Variants in INPP4A observed in about 807,000 individuals in gnomAD.
INPP4A encodes the protein inositol polyphosphate-4-phosphatase type I A, also known as inositol polyphosphate-4-phosphatase, type I, 107kD.
INPP4A carries 33 observed loss-of-function variants against 119.8 expected under a neutral mutation model. The observed-to-expected ratio is 0.28, with a 90% CI of 0.21 to 0.37. The LOEUF is 0.37. INPP4A is among the 10% of genes least tolerant of loss of function. The pLI, the probability that INPP4A is intolerant of heterozygous loss-of-function variation, is 1.00. For synonymous variants in INPP4A, 496 were observed against 500.7 expected (o/e 0.99, Z 0.12); for missense variants, 956 against 1,289.9 (o/e 0.74, Z 3.97).
intron 1 of INPP4A, among the ~76,000 whole-genome samples, chr2:98,446,942 G>A (rs201959420): frequency 6.6e-6 from 1 of 152,168 alleles, no homozygotes; most frequent in African/African-American, 2.4e-5. Flanking sequence ...AATGGGATGT[G>A]TATGACAGAG....
At chr2:98,477,291 G>A (rs1013985072) in intron 1 of INPP4A, among the ~76,000 whole-genome samples, 8 of 152,218 alleles carry the variant, frequency 5.3e-5, no homozygotes, top group Non-Finnish European at 8.8e-5. Context: ...CCGCCGTCCC[G>A]TCTCCCTGAG....
intron 17 of INPP4A, among the ~76,000 whole-genome samples, chr2:98,562,885 TG>T: frequency 6.6e-6 from 1 of 151,824 alleles, no homozygotes; most frequent in Non-Finnish European, 1.5e-5. Context: ...GAGTGCAAGG[TG>T]GGGCCGTTCT....
intron 10 of INPP4A, 50 bp downstream of exon 10, chr2:98,539,725 C>G (rs1276866092): frequency 6.4e-7 from 1 of 1,551,644 alleles, no homozygotes; most frequent in Non-Finnish European, 8.7e-7. Context: ...TGTCATGTGC[C>G]CCTTCCTTTC....
At chr2:98,481,860 C>T (rs1029973724) in intron 1 of INPP4A, among the ~76,000 whole-genome samples, 41 of 152,232 alleles carry the variant, frequency 2.7e-4, no homozygotes, top group South Asian at 8.3e-4. Flanking sequence ...CTGGGCTTTC[C>T]GTTCTCTAGT....
At chr2:98,503,255 A>G (rs1683457581) in intron 1 of INPP4A, among the ~76,000 whole-genome samples, 1 of 152,156 alleles carries the variant, frequency 6.6e-6, no homozygotes, top group African/African-American at 2.4e-5. Flanking sequence ...GAGTACCAGG[A>G]CTTTTGAGAT....
chr2:98,455,153 C>T (rs184754694), intron 1 of INPP4A, among the ~76,000 whole-genome samples: 213 of 152,120 alleles, frequency 1.4e-3, no homozygotes, highest in African/African-American at 5.1e-3. Context: ...GCCTGAGCAA[C>T]AAAGCAAGAC....
At position 98,565,765 on chromosome 2, in the gene INPP4A, C is replaced by T. The variant is rs267599505; in HGVS notation, c.2278C>T (p.Arg760Cys). The T allele has an allele frequency of 6.2e-7, 1 of 1,611,440 alleles. No individual in the cohort carries two copies. The change falls in exon 20 of 25, where the codon CGC (arginine) becomes TGC (cysteine). Residue 760 changes from arginine to cysteine, a missense_variant and splice_region_variant. By Grantham distance (180) the Arg-to-Cys change is radical. This residue lies in a region of INPP4A where 304 missense variants were observed against 492.1 expected (regional missense o/e 0.62). Transcript: ENST00000409851. ...ADMLPVITGN[R>C]DGFNVRVPLP... ...CATGCTGCCCGTCATCACAGGAAAT[C>T]GGTAGAGTGTTGGTTTAAAATTCTC...
intron 1 of INPP4A, among the ~76,000 whole-genome samples, chr2:98,490,902 CTCTT>C (rs1168314862): frequency 2.0e-5 from 3 of 152,188 alleles, no homozygotes; most frequent in Non-Finnish European, 4.4e-5. Context: ...AACATCTGGA[CTCTT>C]TCTGCTTTGA....
At chr2:98,481,634 A>G (rs1678487000) in intron 1 of INPP4A, among the ~76,000 whole-genome samples, 1 of 152,208 alleles carries the variant, frequency 6.6e-6, no homozygotes, top group South Asian at 2.1e-4. Flanking sequence ...TGGGGAAGGA[A>G]GGATTTATTA....
chr2:98,500,317 C>T (rs1452988552), intron 1 of INPP4A, among the ~76,000 whole-genome samples: 6 of 152,036 alleles, frequency 3.9e-5, no homozygotes, highest in African/African-American at 1.2e-4. Flanking sequence ...TTTGATGATC[C>T]GCCACCACTG....
intron 1 of INPP4A, among the ~76,000 whole-genome samples, chr2:98,453,395 A>C (rs947618470): frequency 2.0e-5 from 3 of 152,250 alleles, no homozygotes; most frequent in Admixed American, 6.5e-5. Context: ...TGAAATAGCA[A>C]ATATCCAAGT....
chr2:98,559,079 C>T (rs1358832140), intron 16 of INPP4A, among the ~76,000 whole-genome samples: 2 of 152,252 alleles, frequency 1.3e-5, no homozygotes, highest in Admixed American at 1.3e-4. Flanking sequence ...TACAAGTTTG[C>T]TTCCAGATGC....
At chr2:98,513,009 T>G (rs1685422263) in intron 1 of INPP4A, among the ~76,000 whole-genome samples, 2 of 152,204 alleles carry the variant, frequency 1.3e-5, no homozygotes, top group Non-Finnish European at 2.9e-5. Context: ...TTAAGATCTT[T>G]CCTAAGCAGA....
intron 1 of INPP4A, among the ~76,000 whole-genome samples, chr2:98,460,981 G>A (rs987802513): frequency 5.3e-5 from 8 of 152,038 alleles, no homozygotes; most frequent in Non-Finnish European, 1.0e-4. Flanking sequence ...ATTGTCTCAG[G>A]GGCTCTCCCT....
chr2:98,539,309 A>G (rs1269162059), intron 9 of INPP4A, among the ~76,000 whole-genome samples: 1 of 152,180 alleles, frequency 6.6e-6, no homozygotes, highest in South Asian at 2.1e-4. Context: ...CTTTAGAGTT[A>G]GTTACATGTT....
Position 98,565,682 on chromosome 2 carries a change from T to G in INPP4A, c.2195T>G (p.Met732Arg), listed in dbSNP as rs557468544. ...AMLEDMSLGI[M>R]DLRNVTFKVT... is the part of the protein sequence containing the mutation. The stretch of plus-strand genomic sequence containing the variant: ...CTGGAGGACATGAGCCTTGGGATCA[T>G]GGACTTGAGGAACGTGACCTTCAAA... The change falls in exon 20 of 25, where the codon ATG becomes AGG. Residue 732 changes from methionine to arginine, a missense_variant. Physicochemically the swap from Met to Arg is moderately conservative, Grantham distance 91. Around this residue, in one of 2 missense-constraint regions of INPP4A, gnomAD observed 304 missense variants for 492.1 expected, o/e 0.62. Transcript: ENST00000409851. 9 of 1,613,300 alleles carry G rather than the reference T, an allele frequency of 5.6e-6. No homozygotes were observed. The highest frequency in any genetic ancestry group is 7.6e-6 in the Non-Finnish European group (9 of 1,179,420).
intron 18 of INPP4A, 22 bp downstream of exon 18, chr2:98,563,659 A>T: frequency 6.2e-7 from 1 of 1,609,752 alleles, no homozygotes; most frequent in South Asian, 1.1e-5. Flanking sequence ...GAGCACCCCG[A>T]GGGAGACCAC....
intron 10 of INPP4A, among the ~76,000 whole-genome samples, chr2:98,541,488 A>G (rs2106023136): frequency 6.6e-6 from 1 of 152,348 alleles, no homozygotes; most frequent in South Asian, 2.1e-4. Flanking sequence ...ATATTTGTGT[A>G]TATTTACACA....
intron 11 of INPP4A, among the ~76,000 whole-genome samples, chr2:98,544,829 A>C (rs1263784474): frequency 6.6e-6 from 1 of 152,258 alleles, no homozygotes; most frequent in South Asian, 2.1e-4. Flanking sequence ...AGCCAAATGC[A>C]GGACTAACAA....
Sources: allele counts gnomAD v4.1 joint callset (sites outside exome capture counted in the v4.1 genomes callset), GRCh38; gene constraint gnomAD v4.1.1; regional missense constraint gnomAD v4.1.1; transcripts MANE v1.5; gene names NCBI Gene and HGNC (gene_info 2026-07-23, HGNC 2026-07-21).